ST6GALNAC3: variants seen among roughly 807,000 people sequenced by gnomAD.
ST6GALNAC3 encodes alpha-N-acetylgalactosaminide alpha-2,6-sialyltransferase 3.
Under a neutral mutation model 32.7 loss-of-function variants are expected in ST6GALNAC3, and 25 were observed. That is an observed-to-expected ratio of 0.76 (90% CI 0.56 to 1.07). The LOEUF (loss-of-function observed/expected upper bound fraction) is 1.07, where lower values mean the gene tolerates loss of function less well. ST6GALNAC3 is among the 50% of genes least tolerant of loss of function. The pLI, the probability that ST6GALNAC3 is intolerant of heterozygous loss-of-function variation, is 0.00. For missense variants in ST6GALNAC3, 355 were observed against 382.4 expected, an observed-to-expected ratio of 0.93 and a Z score of 0.60; for synonymous variants, 129 against 133.1, an observed-to-expected ratio of 0.97 and a Z score of 0.21.
rs1211703628 is a variant in ST6GALNAC3, at chr1:76,434,784, GTTTTTTTTTT to G, written c.623+22382_623+22391del. Among the ~76,000 whole-genome samples the G allele has an allele frequency of 4.2e-5, 3 of 72,212 alleles. No homozygotes were observed. In the East Asian group the frequency reaches 1.3e-3, roughly 30 times the overall value. The allele number at this position is 72,212 out of a possible 152,430, so 47.4% of individuals were successfully genotyped here. A position where few individuals can be genotyped will look rare whatever the true frequency, so the allele number is the denominator to read the frequency against. On this transcript the variant is annotated intron_variant, in intron 3 of 4. Coordinates refer to ENST00000328299, the MANE Select transcript of ST6GALNAC3 (RefSeq NM_152996.4). Reference sequence around the variant, plus strand: ...CTTTTTACTGCCTTTTTTTTTCTCTGTTTTTTTTTTTTTTTTTTTTTTTTGAGACAGGGTT... The same window carrying G: ...CTTTTTACTGCCTTTTTTTTTCTCTGTTTTTTTTTTTTTTGAGACAGGGTT...
intron 1 of ST6GALNAC3, among the ~76,000 whole-genome samples, chr1:76,091,988 G>A (rs1176337325): frequency 2.6e-5 from 4 of 152,214 alleles, no homozygotes; most frequent in African/African-American, 9.6e-5. Context: ...ATGAGGAAAT[G>A]CGGGCTTAGA....
chr1:76,269,693 T>G (rs1290620938), intron 1 of ST6GALNAC3, among the ~76,000 whole-genome samples: 1 of 152,192 alleles, frequency 6.6e-6, no homozygotes, highest in Non-Finnish European at 1.5e-5. Context: ...TAAGGCCACA[T>G]GCCATGTGCT....
intron 1 of ST6GALNAC3, among the ~76,000 whole-genome samples, chr1:76,279,696 G>A (rs1659387094): frequency 6.6e-6 from 1 of 152,156 alleles, no homozygotes; most frequent in Non-Finnish European, 1.5e-5. Context: ...TAGCCACTTC[G>A]TCAGGAGGGC....
intron 3 of ST6GALNAC3, among the ~76,000 whole-genome samples, chr1:76,562,120 T>C (rs1665279098): frequency 6.6e-6 from 1 of 152,132 alleles, no homozygotes; most frequent in South Asian, 2.1e-4. Context: ...GAAATGACCA[T>C]AAATGGGGAC....
chr1:76,144,417 A>G (rs931828592), intron 1 of ST6GALNAC3, among the ~76,000 whole-genome samples: 1 of 152,240 alleles, frequency 6.6e-6, no homozygotes, highest in Admixed American at 6.5e-5. Flanking sequence ...TTTTGTATCC[A>G]TAGTGCCTGG....
intron 1 of ST6GALNAC3, among the ~76,000 whole-genome samples, chr1:76,150,538 T>C (rs1345781492): frequency 2.0e-5 from 3 of 152,234 alleles, no homozygotes; most frequent in African/African-American, 4.8e-5. Context: ...TATCATGTTC[T>C]CCCTTCATCA....
At chr1:76,276,985 C>A (rs1659169106) in intron 1 of ST6GALNAC3, among the ~76,000 whole-genome samples, 1 of 151,522 alleles carries the variant, frequency 6.6e-6, no homozygotes, top group Non-Finnish European at 1.5e-5. Context: ...TGATTTTTAC[C>A]CATTTTGATT....
chr1:76,175,475 T>C (rs1490467201), intron 1 of ST6GALNAC3, among the ~76,000 whole-genome samples: 2 of 152,232 alleles, frequency 1.3e-5, no homozygotes, highest in African/African-American at 2.4e-5. Context: ...ATATTTTGGT[T>C]TTATCCATTT....
intron 3 of ST6GALNAC3, among the ~76,000 whole-genome samples, chr1:76,607,789 C>G (rs1486352345): frequency 6.6e-6 from 1 of 152,102 alleles, no homozygotes; most frequent in African/African-American, 2.4e-5. Flanking sequence ...CTCTACCCAC[C>G]CCGTAGCCCA....
intron 2 of ST6GALNAC3, among the ~76,000 whole-genome samples, chr1:76,347,985 C>T (rs1648658558): frequency 6.6e-6 from 1 of 152,146 alleles, no homozygotes; most frequent in Admixed American, 6.6e-5. Flanking sequence ...CTTTGCAATT[C>T]TATTGTGAAT....
intron 1 of ST6GALNAC3, among the ~76,000 whole-genome samples, chr1:76,193,627 G>T (rs1277073932): frequency 6.6e-6 from 1 of 152,104 alleles, no homozygotes; most frequent in Non-Finnish European, 1.5e-5. Flanking sequence ...GAGAATATTT[G>T]TTGTGCTTAT....
chr1:76,440,787 G>A (rs1427100493), intron 3 of ST6GALNAC3, among the ~76,000 whole-genome samples: 1 of 152,118 alleles, frequency 6.6e-6, no homozygotes, highest in Non-Finnish European at 1.5e-5. Context: ...GATCTGCTAA[G>A]TAGAAACAAC....
chr1:76,371,780 C>T (rs1650841720), intron 2 of ST6GALNAC3, among the ~76,000 whole-genome samples: 1 of 152,162 alleles, frequency 6.6e-6, no homozygotes, highest in Non-Finnish European at 1.5e-5. Flanking sequence ...GTATGAAATG[C>T]AAATTCAGTC....
At chr1:76,095,546 A>G (rs868851402) in intron 1 of ST6GALNAC3, among the ~76,000 whole-genome samples, 3 of 152,158 alleles carry the variant, frequency 2.0e-5, no homozygotes, top group Admixed American at 6.5e-5. Context: ...GATCTTACCC[A>G]TATCACTTAA....
At chr1:76,208,757 G>A (rs1654975177) in intron 1 of ST6GALNAC3, among the ~76,000 whole-genome samples, 1 of 152,130 alleles carries the variant, frequency 6.6e-6, no homozygotes, top group African/African-American at 2.4e-5. Context: ...CCATTTTCCA[G>A]TCACACTGTT....
intron 1 of ST6GALNAC3, among the ~76,000 whole-genome samples, chr1:76,245,141 T>G (rs1031387231): frequency 6.6e-6 from 1 of 152,232 alleles, no homozygotes. Flanking sequence ...AGATTTGACT[T>G]CTTCCTGGTT....
intron 1 of ST6GALNAC3, among the ~76,000 whole-genome samples, chr1:76,169,145 G>A (rs919806366): frequency 6.6e-6 from 1 of 152,096 alleles, no homozygotes; most frequent in Non-Finnish European, 1.5e-5. Context: ...GGTAGGTCTG[G>A]TGGTAATGTA....
intron 3 of ST6GALNAC3, among the ~76,000 whole-genome samples, chr1:76,519,215 ACTC>A (rs1032401449): frequency 4.6e-5 from 7 of 151,628 alleles, no homozygotes; most frequent in Admixed American, 1.3e-4. Context: ...TCTTCAAAAG[ACTC>A]CTATTAGATA....
chr1:76,485,520 A>G (rs1467939139), intron 3 of ST6GALNAC3, among the ~76,000 whole-genome samples: 1 of 152,180 alleles, frequency 6.6e-6, no homozygotes, highest in African/African-American at 2.4e-5. Context: ...AGAGGTGTTT[A>G]TAATATTCTC....
Sources: gnomAD v4.1 joint callset for allele counts (sites outside exome capture counted in the v4.1 genomes callset) on GRCh38, gnomAD v4.1.1 for gene constraint, MANE v1.5 for transcripts, NCBI Gene and HGNC (gene_info 2026-07-23, HGNC 2026-07-21) for gene names.